RYR1: variants seen among roughly 807,000 people sequenced by gnomAD.
RYR1 encodes the protein central core disease of muscle.
In RYR1, 342 loss-of-function variants were observed where a neutral mutation model predicts 583.5. That is an observed-to-expected ratio of 0.59 (90% CI 0.54 to 0.64). RYR1 has a LOEUF of 0.64. Ranked by LOEUF, RYR1 falls within the 30% of genes least tolerant of loss-of-function variation. The pLI, the probability that RYR1 is intolerant of heterozygous loss-of-function variation, is 0.00. For missense variants in RYR1, 6,032 were observed against 6,917.2 expected (o/e 0.87, Z 4.54); for synonymous variants, 2,791 against 2,822.5 (o/e 0.99, Z 0.35).
intron 17 of RYR1, 150 bp downstream of exon 17, chr19:38,457,780 C>A (rs73044990): frequency 1.2e-6 from 1 of 861,458 alleles, no homozygotes; most frequent in Non-Finnish European, 1.9e-6. Context: ...TGGCCCCACT[C>A]TCCCTTGGCA....
chr19:38,474,564 CTTTTTT>C (rs970000046), intron 28 of RYR1, among the ~76,000 whole-genome samples: 4 of 88,226 alleles, frequency 4.5e-5, no homozygotes, highest in Admixed American at 2.4e-4. Flanking sequence ...CGCCCGGCTC[CTTTTTT>C]TTTTTTTTTT....
chr19:38,551,234 C>T (rs531591925), intron 89 of RYR1, among the ~76,000 whole-genome samples: 2 of 150,840 alleles, frequency 1.3e-5, no homozygotes, highest in South Asian at 2.1e-4. Context: ...TTAGTAGAGA[C>T]GGGGGTTTCA....
rs1265508664 is a variant in RYR1 at position 38,502,623 on chromosome 19, C to T, written c.7731C>T (p.Ile2577=). Residue 2577 remains isoleucine (I), a synonymous_variant, in exon 48 of 106, where the codon ATC becomes ATT. Transcript: ENST00000359596. The part of the protein sequence containing the change: ...PLFAGTEHRA[I]MVDSMLHTVY... ...TTGCGGGCACAGAACACCGCGCCAT[C>T]ATGGTGGACTCTATGCTGCATACCG... 2.5e-6 allele frequency: 4 copies of T among 1,613,134 alleles called. No homozygotes were observed. The highest frequency in any genetic ancestry group is 1.7e-5 in the Admixed American group (1 of 60,000).
chr19:38,443,063 G>A (rs929126240), intron 3 of RYR1, among the ~76,000 whole-genome samples: 4 of 152,200 alleles, frequency 2.6e-5, no homozygotes, highest in Non-Finnish European at 5.9e-5. Flanking sequence ...CAAGGTCCGG[G>A]TTGGGGACCT....
rs150831055 is a variant in RYR1 at position 38,459,201 on chromosome 19, C to T, written c.2223C>T (p.Asp741=). The change falls in exon 19 of 106, where the codon GAC becomes GAT. Residue 741 remains aspartate, a synonymous_variant. Transcript: ENST00000359596. ...SPGQHLLAPE[D]VISCCLDLSV... Reference sequence around the variant, plus strand: ...GGCAGCACCTCCTGGCCCCTGAAGACGTGATCAGCTGCTGCCTGGACCTCA... The same window carrying T: ...GGCAGCACCTCCTGGCCCCTGAAGATGTGATCAGCTGCTGCCTGGACCTCA... 249 of 1,614,156 alleles carry T rather than the reference C, an allele frequency of 1.5e-4. No individual in the cohort carries two copies. In the East Asian group the frequency reaches 5.0e-3, roughly 32 times the overall value.
chr19:38,456,036 A>G (rs1434485836), intron 16 of RYR1, among the ~76,000 whole-genome samples: 2 of 132,994 alleles, frequency 1.5e-5, no homozygotes, highest in Admixed American at 8.9e-5. Context: ...TAGTGGCGCT[A>G]TCTTGGCTCA....
In RYR1 at chr19:38,567,923, G is replaced by C. The variant is rs2145855847; in HGVS notation, c.13659+6G>C. The C allele has an allele frequency of 6.2e-7, 1 of 1,612,930 alleles. No individual in the cohort carries two copies. The highest frequency in any genetic ancestry group is 1.3e-5 in the African/African-American group (1 of 75,000). The stretch of plus-strand genomic sequence containing the variant: ...TGCAGAGGGTGAAGTTCCTGGTAAG[G>C]ATCCAGCCAGGTCACCTGAACCTTC... On this transcript the variant is annotated splice_donor_region_variant and intron_variant, in intron 93 of 105. Coordinates refer to ENST00000359596, the MANE Select transcript of RYR1 (RefSeq NM_000540.3).
intron 82 of RYR1, 56 bp from the exon 83 acceptor site, chr19:38,536,694 C>G: frequency 1.2e-6 from 2 of 1,607,380 alleles, no homozygotes; most frequent in Non-Finnish European, 1.7e-6. Context: ...GTCTGTCTCC[C>G]TCTCTTTTTC....
Position 38,506,372 on chromosome 19 carries a change from C to T in RYR1, c.8611C>T (p.Leu2871=). ...DLSAVTLSRE[L]QAMAEQLAEN... ...TAGTGCTGTTACCCTGTCCCGGGAG[C>T]TGCAGGTGAGAGCCCTGATCCTTTT... is the stretch of plus-strand genomic sequence containing the variant. Residue 2871 remains leucine, a synonymous_variant, in exon 55 of 106, where the codon CTG becomes TTG. Coordinates refer to ENST00000359596, the MANE Select transcript of RYR1 (RefSeq NM_000540.3). The T allele has an allele frequency of 2.5e-6, 4 of 1,613,732 alleles. No homozygotes were observed. The highest frequency in any genetic ancestry group is 3.4e-6 in the Non-Finnish European group (4 of 1,179,784).
At position 38,565,402 on chromosome 19, in the gene RYR1, C is replaced by T. The variant is rs1218338475; in HGVS notation, c.13068C>T (p.Gly4356=). Residue 4356 remains glycine, a synonymous_variant, in exon 91 of 106, where the codon GGC becomes GGT. Transcript: ENST00000359596. The surrounding 1 kb of genome is among the most constrained non-coding windows in gnomAD (Gnocchi z 4.7). ...CGGGGGCGGCGGCGGGCGCGCTGGG[C>T]CTGCTCTGGGGCTCGCTGTTCGGCG... is the stretch of plus-strand genomic sequence containing the variant. ...AGAGAAAGAL[G]LLWGSLFGGG... 6.2e-6 allele frequency: 9 copies of T among 1,454,324 alleles called. No individual in the cohort carries two copies. The highest frequency in any genetic ancestry group is 3.0e-5 in the East Asian group (1 of 33,008). The allele number at this position is 1,454,324 out of a possible 1,614,324, so 90.1% of individuals were successfully genotyped here.
At chr19:38,533,009 G>T (rs1249607670) in intron 78 of RYR1, among the ~76,000 whole-genome samples, 2 of 151,360 alleles carry the variant, frequency 1.3e-5, no homozygotes, top group Non-Finnish European at 2.9e-5. Flanking sequence ...AGGCAGAGGG[G>T]TCAGGGTTGG....
At chr19:38,459,436 A>T (rs1413205147) in intron 19 of RYR1, 98 bp downstream of exon 19, 1 of 1,144,298 alleles carries the variant, frequency 8.7e-7, no homozygotes, top group African/African-American at 1.5e-5. Context: ...AGGCCAGGAC[A>T]CTGCAGCCTA....
In RYR1 at chr19:38,514,971, G is replaced by T. The variant is rs962697041; in HGVS notation, c.9473-55G>T. On this transcript the variant is annotated intron_variant, in intron 63 of 105. Transcript: ENST00000359596. ...CTATTTGAGACAAGGGAGGTGGGGT[G>T]GGGAGGGCTTGTCTTGTGAGCGCAT... The T allele has an allele frequency of 2.7e-5, 33 of 1,224,960 alleles. 1 individual carries two copies. The Middle Eastern group carries it at 8.9e-4, about 33-fold the overall frequency. The allele number at this position is 1,224,960 out of a possible 1,614,324, so 75.9% of individuals were successfully genotyped here. A position where few individuals can be genotyped will look rare whatever the true frequency, so the allele number is the denominator to read the frequency against.
chr19:38,479,201 A>G (rs1424929913), intron 31 of RYR1, among the ~76,000 whole-genome samples: 1 of 152,094 alleles, frequency 6.6e-6, no homozygotes, highest in Non-Finnish European at 1.5e-5. Flanking sequence ...CCTTTTCAAC[A>G]TTTTATTCTG....
intron 89 of RYR1, among the ~76,000 whole-genome samples, chr19:38,548,946 T>C (rs1972547200): frequency 6.6e-6 from 1 of 152,244 alleles, no homozygotes; most frequent in African/African-American, 2.4e-5. Flanking sequence ...CTGTTATCTT[T>C]ATTGATAGTC....
intron 101 of RYR1, among the ~76,000 whole-genome samples, chr19:38,583,015 T>A (rs1974284423): frequency 6.6e-6 from 1 of 151,760 alleles, no homozygotes; most frequent in Non-Finnish European, 1.5e-5. Context: ...AACAAGTGTA[T>A]GCCGGGCGCT....
rs141518670 is a variant in RYR1, at chr19:38,469,392, T to C, written c.3644T>C (p.Ile1215Thr). 2 of 1,614,112 alleles carry C rather than the reference T, an allele frequency of 1.2e-6. No individual in the cohort carries two copies. Among genetic ancestry groups the C allele is most frequent in the Non-Finnish European group, 1.7e-6 (2 of 1,180,026 alleles). ...QDVSSLRFFAICGLQEGFEPF... is the reference protein window; with the variant it reads ...QDVSSLRFFATCGLQEGFEPF... The stretch of plus-strand genomic sequence containing the variant: ...GTGAGCTCTCTGAGGTTCTTTGCCA[T>C]CTGTGGCCTCCAGGAAGGCTTCGAG... The change falls in exon 27 of 106, where the codon ATC becomes ACC. Residue 1215 changes from isoleucine to threonine, a missense_variant. Around this residue, in one of 11 missense-constraint regions of RYR1, gnomAD observed 2,627 missense variants for 2,961.3 expected, o/e 0.89. Coordinates refer to ENST00000359596, the MANE Select transcript of RYR1 (RefSeq NM_000540.3).
At chr19:38,562,681 C>T (rs1973203176) in intron 90 of RYR1, among the ~76,000 whole-genome samples, 2 of 152,104 alleles carry the variant, frequency 1.3e-5, no homozygotes, top group South Asian at 4.1e-4. Context: ...GCCTCACGCA[C>T]ACTGCATAAC....
At chr19:38,468,894 C>T (rs1253993954) in intron 25 of RYR1, 72 bp from the exon 26 acceptor site, 11 of 1,519,688 alleles carry the variant, frequency 7.2e-6, no homozygotes, top group Admixed American at 3.5e-5. Flanking sequence ...ATATCTCTCC[C>T]TCCCTGCTTC....
Sources: gnomAD v4.1 joint callset for allele counts (sites outside exome capture counted in the v4.1 genomes callset) on GRCh38, gnomAD v4.1.1 for gene constraint, gnomAD v4.1.1 regional missense constraint, Gnocchi (gnomAD v3.1) non-coding constraint, MANE v1.5 for transcripts, NCBI Gene and HGNC (gene_info 2026-07-23, HGNC 2026-07-21) for gene names.